Variants in ATP1B1 observed in about 807,000 individuals in gnomAD.
ATP1B1 encodes the protein ATPase Na+/K+ transporting subunit beta 1.
Under a neutral mutation model 39.6 loss-of-function variants are expected in ATP1B1, and 3 were observed. That is an observed-to-expected ratio of 0.08 (90% CI 0.03 to 0.20). The LOEUF is 0.20. ATP1B1 is among the 10% of genes least tolerant of loss of function. The probability of loss-of-function intolerance (pLI) is 1.00; values close to 1 mark genes in which losing one functional copy is unlikely to be tolerated. For synonymous variants in ATP1B1, 139 were observed against 135.0 expected (o/e 1.03, Z -0.20); for missense variants, 216 against 371.1 (o/e 0.58, Z 3.43).
At chr1:169,114,264 T>A (rs1657793464) in intron 2 of ATP1B1, among the ~76,000 whole-genome samples, 3 of 151,930 alleles carry the variant, frequency 2.0e-5, no homozygotes, top group Non-Finnish European at 4.4e-5. Flanking sequence ...AAGAATACCC[T>A]GACAATTTTT....
At chr1:169,107,287 T>TAA (rs111233418) in intron 1 of ATP1B1, among the ~76,000 whole-genome samples, 1 of 149,578 alleles carries the variant, frequency 6.7e-6, no homozygotes, top group Non-Finnish European at 1.5e-5. Context: ...CCTGAGTCCT[T>TAA]AAAAAAAAAA....
intron 2 of ATP1B1, among the ~76,000 whole-genome samples, chr1:169,117,174 A>AC (rs1657869077): frequency 6.6e-6 from 1 of 152,130 alleles, no homozygotes; most frequent in Admixed American, 6.5e-5. Flanking sequence ...ATCTGTATAC[A>AC]CCCAGCTGTC....
At chr1:169,122,770 T>TTTTTTTTA (rs71121722) in intron 2 of ATP1B1, among the ~76,000 whole-genome samples, 69 of 101,272 alleles carry the variant, frequency 6.8e-4, no homozygotes, top group African/African-American at 1.1e-3. Flanking sequence ...TTTTTTTTTT[T>TTTTTTTTA]AATTGCGATA....
Position 169,132,103 on chromosome 1 carries a change from CT to C in ATP1B1, c.*552del. ...GAGCATTTTTAACATACTCCATAGTCTTTTCCTGTGGTGTTAGGTCTTTATT... is the reference window on the plus strand; with the variant it reads ...GAGCATTTTTAACATACTCCATAGTCTTTCCTGTGGTGTTAGGTCTTTATT... On this transcript the variant is annotated 3_prime_UTR_variant, in exon 6 of 6. Coordinates refer to ENST00000367815, the MANE Select transcript of ATP1B1 (RefSeq NM_001677.4). The C allele has an allele frequency of 2.6e-6, 1 of 385,614 alleles. No individual in the cohort carries two copies. The highest frequency in any genetic ancestry group is 1.9e-5 in the South Asian group (1 of 51,622). The allele number at this position is 385,614 out of a possible 1,614,324, so 23.9% of individuals were successfully genotyped here.
chr1:169,118,093 C>T (rs1244612283), intron 2 of ATP1B1, among the ~76,000 whole-genome samples: 1 of 152,096 alleles, frequency 6.6e-6, no homozygotes, highest in African/African-American at 2.4e-5. Flanking sequence ...CAATTATGAG[C>T]TATACAAAAT....
chr1:169,117,743 T>C (rs1361327532), intron 2 of ATP1B1, among the ~76,000 whole-genome samples: 1 of 152,228 alleles, frequency 6.6e-6, no homozygotes, highest in Non-Finnish European at 1.5e-5. Flanking sequence ...TGGTCAGTGC[T>C]CTCATGCTAG....
Position 169,106,796 on chromosome 1 carries a change from T to C in ATP1B1, c.-34T>C. 1 of 1,550,252 alleles carries C rather than the reference T, an allele frequency of 6.5e-7. No individual in the cohort carries two copies. Among genetic ancestry groups the C allele is most frequent in the Non-Finnish European group, 8.7e-7 (1 of 1,148,690 alleles). On this transcript the variant is annotated 5_prime_UTR_variant, in exon 1 of 6. Coordinates refer to ENST00000367815, the MANE Select transcript of ATP1B1 (RefSeq NM_001677.4). Reference sequence around the variant, plus strand: ...GGGCGCGCGCCGCAGCCACCCACCCTCCGGACCGCGGCAGCTGCTGACCCG... The same window carrying C: ...GGGCGCGCGCCGCAGCCACCCACCCCCCGGACCGCGGCAGCTGCTGACCCG...
chr1:169,121,474 T>G (rs3766039), intron 2 of ATP1B1, among the ~76,000 whole-genome samples: 1 of 151,968 alleles, frequency 6.6e-6, no homozygotes, highest in Non-Finnish European at 1.5e-5. Flanking sequence ...GACTTGACAT[T>G]GTGAAGGAAT....
intron 2 of ATP1B1, among the ~76,000 whole-genome samples, chr1:169,117,409 A>C (rs1245272853): frequency 6.6e-6 from 1 of 152,232 alleles, no homozygotes; most frequent in Non-Finnish European, 1.5e-5. Context: ...TACAACTAGT[A>C]AGTCATCTCT....
chr1:169,130,777 C>T (rs1331403883), intron 5 of ATP1B1, among the ~76,000 whole-genome samples: 1 of 51,804 alleles, frequency 1.9e-5, no homozygotes, highest in East Asian at 7.0e-4. Context: ...GCAAGACTAT[C>T]TCAAAAAAAA....
In ATP1B1 at chr1:169,110,567, CTTTTTTT is replaced by C. The variant is rs11423213; in HGVS notation, c.98-790_98-784del. On this transcript the variant is annotated intron_variant, in intron 1 of 5. Coordinates refer to ENST00000367815, the MANE Select transcript of ATP1B1 (RefSeq NM_001677.4). ...CCTCATTCCCATCTATGTGTTGAGT[CTTTTTTT>C]TTTTTTTTTTTTGCTTTTGCAGCTA... 1.9e-4 allele frequency: 81 copies of C among 434,442 alleles called. 1 individual carries two copies. The highest frequency in any genetic ancestry group is 5.2e-4 in the Admixed American group (9 of 17,152). 26.9% of individuals were successfully genotyped at this position (434,442 alleles called of 1,614,324 possible).
chr1:169,109,133 T>G (rs1657673978), intron 1 of ATP1B1, among the ~76,000 whole-genome samples: 1 of 152,240 alleles, frequency 6.6e-6, no homozygotes, highest in Admixed American at 6.5e-5. Flanking sequence ...GCCTTCTGCC[T>G]TTTTATTAGG....
At chr1:169,125,572 G>C (rs1483147721) in intron 3 of ATP1B1, among the ~76,000 whole-genome samples, 1 of 152,156 alleles carries the variant, frequency 6.6e-6, no homozygotes, top group African/African-American at 2.4e-5. Context: ...GACTTATGAA[G>C]GGTAAAGAGA....
chr1:169,130,216 T>A, intron 5 of ATP1B1, 126 bp downstream of exon 5: 1 of 815,114 alleles, frequency 1.2e-6, no homozygotes, highest in Non-Finnish European at 1.9e-6. Flanking sequence ...TGCTTTCAAG[T>A]ATAAGTCTCA....
chr1:169,110,427 G>C (rs577001957), intron 1 of ATP1B1, among the ~76,000 whole-genome samples: 2 of 152,076 alleles, frequency 1.3e-5, no homozygotes, highest in Non-Finnish European at 2.9e-5. Flanking sequence ...TCCCTGTTTT[G>C]CATTCACATT....
chr1:169,124,688 G>A (rs1048242023), intron 2 of ATP1B1, among the ~76,000 whole-genome samples, 196 bp from the exon 3 acceptor site: 1 of 152,220 alleles, frequency 6.6e-6, no homozygotes, highest in African/African-American at 2.4e-5. Flanking sequence ...TAACTGATCT[G>A]TGATATTAAA....
rs1657598658 is a variant in ATP1B1 at position 169,106,742 on chromosome 1, G to T, written c.-88G>T. The T allele has an allele frequency of 9.1e-7, 1 of 1,093,710 alleles. No individual in the cohort carries two copies. The highest frequency in any genetic ancestry group is 1.3e-6 in the Non-Finnish European group (1 of 789,322). 67.8% of individuals were successfully genotyped at this position (1,093,710 alleles called of 1,614,324 possible). A position where few individuals can be genotyped will look rare whatever the true frequency, so the allele number is the denominator to read the frequency against. ...CGTCCTGCCTGCAGAGAGCCAGGCC[G>T]GAGAAGCCGAGCGGCGCAGAGGACG... On this transcript the variant is annotated 5_prime_UTR_variant, in exon 1 of 6. Transcript: ENST00000367815.
In ATP1B1 at chr1:169,127,334, G is replaced by C. The variant is rs1193649350; in HGVS notation, c.493G>C (p.Glu165Gln). 6.2e-7 allele frequency: 1 copy of C among 1,612,208 alleles called. No homozygotes were observed. Among genetic ancestry groups the C allele is most frequent in the Non-Finnish European group, 8.5e-7 (1 of 1,179,420 alleles). ...WLGNCSGLND[E>Q]TYGYKEGKPC... ...GGGAAATTGCTCTGGATTAAATGATGAAACTTATGGCTACAAAGAGGGCAA... is the reference window on the plus strand; with the variant it reads ...GGGAAATTGCTCTGGATTAAATGATCAAACTTATGGCTACAAAGAGGGCAA... The change falls in exon 4 of 6, where the codon GAA becomes CAA. Residue 165 changes from glutamate to glutamine, a missense_variant. Coordinates refer to ENST00000367815, the MANE Select transcript of ATP1B1 (RefSeq NM_001677.4).
chr1:169,132,566 A>G lies in ATP1B1; in HGVS notation c.*1011A>G, dbSNP rs112941951. 4.4e-4 allele frequency: 190 copies of G among 433,164 alleles called. 1 individual carries two copies. The highest frequency in any genetic ancestry group is 3.7e-3 in the African/African-American group (182 of 48,998). 26.8% of individuals were successfully genotyped at this position (433,164 alleles called of 1,614,324 possible). ...ATAAATCTTTATTTTGAACTTTATA[A>G]AAAGCAATGCAGTACCCCATAGACT... On this transcript the variant is annotated 3_prime_UTR_variant, in exon 6 of 6. Coordinates refer to ENST00000367815, the MANE Select transcript of ATP1B1 (RefSeq NM_001677.4).
Sources: allele counts gnomAD v4.1 joint callset (sites outside exome capture counted in the v4.1 genomes callset), GRCh38; gene constraint gnomAD v4.1.1; transcripts MANE v1.5; gene names NCBI Gene and HGNC (gene_info 2026-07-23, HGNC 2026-07-21).